The following CALN1 variants were observed in gnomAD, a reference collection of about 807,000 sequenced individuals.
CALN1 encodes calneuron 1.
Under a neutral mutation model 30.6 loss-of-function variants are expected in CALN1, and 17 were observed. The ratio of observed to expected loss-of-function variants is 0.56; its 90% CI spans 0.38 to 0.83. The LOEUF (loss-of-function observed/expected upper bound fraction) is 0.83, where lower values mean the gene tolerates loss of function less well. Ranked by LOEUF, CALN1 falls within the 40% of genes least tolerant of loss-of-function variation. The pLI is 0.00. For missense variants in CALN1, 291 were observed against 354.9 expected (o/e 0.82, Z 1.45); for synonymous variants, 156 against 131.4 (o/e 1.19, Z -1.28).
intron 5 of CALN1, among the ~76,000 whole-genome samples, chr7:72,007,210 T>C (rs1272046139): frequency 6.6e-6 from 1 of 152,240 alleles, no homozygotes; most frequent in Non-Finnish European, 1.5e-5. Flanking sequence ...GTGACTAACA[T>C]CTGGCCGGGG....
At chr7:72,076,517 G>A (rs1166379702) in intron 4 of CALN1, among the ~76,000 whole-genome samples, 1 of 141,572 alleles carries the variant, frequency 7.1e-6, no homozygotes, top group African/African-American at 2.6e-5. Flanking sequence ...AGAATCGCTT[G>A]AACCCGAGAG....
intron 2 of CALN1, among the ~76,000 whole-genome samples, chr7:72,352,439 C>T (rs1802978841): frequency 8.2e-6 from 1 of 122,252 alleles, no homozygotes; most frequent in Admixed American, 8.0e-5. Flanking sequence ...CAAAATCATA[C>T]AGAAAACATT....
chr7:72,215,953 G>A (rs983546553), intron 3 of CALN1, among the ~76,000 whole-genome samples: 1 of 152,124 alleles, frequency 6.6e-6, no homozygotes, highest in Admixed American at 6.6e-5. Context: ...CCAAGGCTTT[G>A]TCAGATCTGC....
At chr7:72,182,826 G>A (rs1334615158) in intron 3 of CALN1, among the ~76,000 whole-genome samples, 1 of 151,920 alleles carries the variant, frequency 6.6e-6, no homozygotes, top group Non-Finnish European at 1.5e-5. Flanking sequence ...ACTAGCTTCT[G>A]TAAAGGCACA....
intron 5 of CALN1, among the ~76,000 whole-genome samples, chr7:71,965,937 T>G (rs1042718195): frequency 2.6e-5 from 4 of 152,212 alleles, no homozygotes; most frequent in Non-Finnish European, 5.9e-5. Context: ...AGCTTTTCAC[T>G]GTTGAAATAT....
intron 5 of CALN1, among the ~76,000 whole-genome samples, chr7:71,910,648 G>A (rs1794378631): frequency 6.6e-6 from 1 of 152,086 alleles, no homozygotes; most frequent in South Asian, 2.1e-4. Flanking sequence ...CTTGAGTAGA[G>A]TTATGTAAGA....
chr7:71,861,570 A>T (rs1230271419), intron 5 of CALN1, among the ~76,000 whole-genome samples: 1 of 151,800 alleles, frequency 6.6e-6, no homozygotes, highest in Non-Finnish European at 1.5e-5. Flanking sequence ...GAGACCAGGA[A>T]TTCAAGACCA....
At chr7:72,150,378 C>G (rs558772350) in intron 3 of CALN1, among the ~76,000 whole-genome samples, 1 of 152,224 alleles carries the variant, frequency 6.6e-6, no homozygotes, top group East Asian at 1.9e-4. Context: ...CCTGTTCTCC[C>G]AAAACTTATG....
intron 3 of CALN1, among the ~76,000 whole-genome samples, chr7:72,158,609 G>C (rs546141977): frequency 6.6e-6 from 1 of 152,088 alleles, no homozygotes; most frequent in Non-Finnish European, 1.5e-5. Flanking sequence ...CTCATGGGTA[G>C]GCTTTCCTTC....
intron 5 of CALN1, among the ~76,000 whole-genome samples, chr7:71,847,815 AGG>A (rs1790394796): frequency 3.1e-5 from 3 of 97,258 alleles, no homozygotes; most frequent in Non-Finnish European, 5.7e-5. Flanking sequence ...AAGAAGGAGA[AGG>A]AGAAGGAGAA....
chr7:72,062,531 G>GA (rs1296760070), intron 4 of CALN1, among the ~76,000 whole-genome samples: 6 of 116,600 alleles, frequency 5.1e-5, no homozygotes, highest in Admixed American at 1.7e-4. Context: ...AAAAAAAAAA[G>GA]AAAAAAAATA....
At chr7:72,250,623 T>C (rs936616274) in intron 3 of CALN1, among the ~76,000 whole-genome samples, 1 of 152,094 alleles carries the variant, frequency 6.6e-6, no homozygotes, top group African/African-American at 2.4e-5. Context: ...CCCTCATGAA[T>C]GGTTTGGTGC....
intron 3 of CALN1, among the ~76,000 whole-genome samples, chr7:72,208,860 C>T (rs1017526894): frequency 1.3e-5 from 2 of 152,110 alleles, no homozygotes; most frequent in Admixed American, 6.6e-5. Context: ...AAGGTAGTGG[C>T]TGCTCTCCAG....
At chr7:71,965,689 A>G (rs1416784669) in intron 5 of CALN1, among the ~76,000 whole-genome samples, 4 of 152,148 alleles carry the variant, frequency 2.6e-5, no homozygotes, top group African/African-American at 9.6e-5. Context: ...GATATGGTAT[A>G]TGCACAACCA....
At chr7:72,330,438 A>G (rs1314184095) in intron 2 of CALN1, among the ~76,000 whole-genome samples, 3 of 148,316 alleles carry the variant, frequency 2.0e-5, no homozygotes, top group Non-Finnish European at 4.4e-5. Context: ...ACTGCACTCC[A>G]GCCTGGGCAA....
chr7:72,499,215 G>A, the CALN1 span, among the ~76,000 whole-genome samples: 2 of 152,100 alleles, frequency 1.3e-5, no homozygotes. Flanking sequence ...ATTTTTAGTA[G>A]AGACGAGGTT....
intron 2 of CALN1, among the ~76,000 whole-genome samples, chr7:72,359,648 A>C (rs950003409): frequency 9.2e-5 from 14 of 152,090 alleles, no homozygotes; most frequent in Admixed American, 9.2e-4. Context: ...AACCTCATAC[A>C]AACTCAATCA....
At chr7:71,991,006 C>G (rs1277373940) in intron 5 of CALN1, among the ~76,000 whole-genome samples, 1 of 148,554 alleles carries the variant, frequency 6.7e-6, no homozygotes, top group African/African-American at 2.5e-5. Flanking sequence ...GGACCAACAT[C>G]AGAATGTCTC....
chr7:72,384,029 G>A (rs1805064225), intron 2 of CALN1, among the ~76,000 whole-genome samples: 1 of 152,124 alleles, frequency 6.6e-6, no homozygotes, highest in Non-Finnish European at 1.5e-5. Flanking sequence ...ATTTACAATA[G>A]CAAAGACTTG....
Sources: gnomAD v4.1 joint callset for allele counts (sites outside exome capture counted in the v4.1 genomes callset) on GRCh38, gnomAD v4.1.1 for gene constraint, MANE v1.5 for transcripts, NCBI Gene and HGNC (gene_info 2026-07-23, HGNC 2026-07-21) for gene names.